Variants in STARD13 observed in about 807,000 individuals in gnomAD.
STARD13 encodes the protein stAR-related lipid transfer protein 13.
A neutral mutation model predicts 106.4 loss-of-function variants in STARD13; 62 were observed. That is an observed-to-expected ratio of 0.58 (90% CI 0.48 to 0.72). The LOEUF (loss-of-function observed/expected upper bound fraction) is 0.72, where lower values mean the gene tolerates loss of function less well. STARD13 is among the 30% of genes least tolerant of loss of function. The pLI is 0.00. For missense variants in STARD13, 1,387 were observed against 1,424.0 expected (o/e 0.97, Z 0.42); for synonymous variants, 565 against 553.0 (o/e 1.02, Z -0.31).
intron 9 of STARD13, 36 bp from the exon 10 acceptor site, chr13:33,111,928 C>T (rs17518136): frequency 0.12 from 160,083 of 1,339,464 alleles, 10,801 homozygotes; most frequent in Non-Finnish European, 0.14. Flanking sequence ...GCAGATCCCA[C>T]ACCAACGAGC....
chr13:33,454,966 G>A, the STARD13 span, among the ~76,000 whole-genome samples: 1 of 152,206 alleles, frequency 6.6e-6, no homozygotes, highest in Non-Finnish European at 1.5e-5. Context: ...ACTCTGGGAA[G>A]GCAGAGAATA....
intron 1 of STARD13, among the ~76,000 whole-genome samples, chr13:33,220,709 A>ATAAG (rs147253507): frequency 0.023 from 3,568 of 152,258 alleles, 134 homozygotes; most frequent in African/African-American, 0.081. Flanking sequence ...AAATAAATAA[A>ATAAG]TAAAATAAAG....
chr13:33,592,174 G>T, the STARD13 span, among the ~76,000 whole-genome samples: 4 of 152,154 alleles, frequency 2.6e-5, no homozygotes, highest in Admixed American at 2.0e-4. Context: ...ATGGTTTGTT[G>T]CTTTACGTTG....
chr13:33,106,784 C>G lies in STARD13; in HGVS notation c.3198G>C (p.Leu1066=). ...TCAGGTCTATCCTGCAGATGTGAGT[C>G]AGTCTTGACTTGCCAGAGCCACACG... The part of the protein sequence containing the change: ...IEPCGSGKSR[L]THICRIDLKG... Residue 1066 remains leucine (L), a synonymous_variant, in exon 13 of 14, where the codon CTG becomes CTC. Coordinates refer to ENST00000336934, the MANE Select transcript of STARD13 (RefSeq NM_178006.4). 1 of 1,613,478 alleles carries G rather than the reference C, an allele frequency of 6.2e-7. No homozygotes were observed. Among genetic ancestry groups the G allele is most frequent in the Non-Finnish European group, 8.5e-7 (1 of 1,179,606 alleles).
chr13:33,442,349 T>TTAA, the STARD13 span, among the ~76,000 whole-genome samples: 43 of 152,026 alleles, frequency 2.8e-4, no homozygotes, highest in African/African-American at 8.5e-4. Context: ...TACTCATACA[T>TTAA]TAATAATAAT....
chr13:33,282,898 A>C (rs558811288), intron 1 of STARD13, among the ~76,000 whole-genome samples: 1 of 152,184 alleles, frequency 6.6e-6, no homozygotes, highest in South Asian at 2.1e-4. Context: ...GCATGGTGGC[A>C]CACTCCTGTA....
At chr13:33,670,449 AGT>A in the STARD13 span, among the ~76,000 whole-genome samples, 8 of 152,206 alleles carry the variant, frequency 5.3e-5, no homozygotes, top group African/African-American at 1.9e-4. Context: ...AAAATCCTAA[AGT>A]CTTATTTCAC....
chr13:33,385,218 A>AATATAT, the STARD13 span, among the ~76,000 whole-genome samples: 3,300 of 33,196 alleles, frequency 0.099, 444 homozygotes, highest in Non-Finnish European at 0.13. Flanking sequence ...AAAGGTTCGG[A>AATATAT]ATATATATAT....
chr13:33,323,944 C>T (rs1893651357), intron 1 of STARD13, among the ~76,000 whole-genome samples: 1 of 152,124 alleles, frequency 6.6e-6, no homozygotes, highest in African/African-American at 2.4e-5. Flanking sequence ...TTTCATAAGG[C>T]TATTTCCACA....
chr13:33,196,549 C>A (rs984463521), intron 1 of STARD13, among the ~76,000 whole-genome samples: 1 of 152,134 alleles, frequency 6.6e-6, no homozygotes, highest in Non-Finnish European at 1.5e-5. Flanking sequence ...AGAGGATTGA[C>A]CCCAGCAATC....
the STARD13 span, among the ~76,000 whole-genome samples, chr13:33,505,018 G>A: frequency 6.6e-6 from 1 of 152,170 alleles, no homozygotes; most frequent in African/African-American, 2.4e-5. Flanking sequence ...CAGCTTGGGT[G>A]TTCAGTGAGA....
chr13:33,113,464 CG>C (rs1306482002), intron 8 of STARD13: 5 of 480,334 alleles, frequency 1.0e-5, no homozygotes, highest in Non-Finnish European at 2.1e-5. Flanking sequence ...CACAATTCAC[CG>C]GGAGTGGTGT....
At chr13:33,177,821 GAAGGAAGGAAGGAAGGAAGGA>G (rs1246262306) in intron 1 of STARD13, among the ~76,000 whole-genome samples, 2 of 26,906 alleles carry the variant, frequency 7.4e-5, no homozygotes, top group African/African-American at 3.9e-4. Flanking sequence ...AGGAAGGAAG[GAAGGAAGGAAGGAAGGAAGGA>G]AAGGAAGGAA....
the STARD13 span, among the ~76,000 whole-genome samples, chr13:33,508,727 A>G: frequency 6.6e-6 from 1 of 152,322 alleles, no homozygotes; most frequent in East Asian, 1.9e-4. Flanking sequence ...CTTAATGTGT[A>G]TCAGAACTCA....
At chr13:33,499,583 TTCTTCTTCTTCTTCTTCTTCTTTCTTC>T in the STARD13 span, among the ~76,000 whole-genome samples, 4 of 69,274 alleles carry the variant, frequency 5.8e-5, no homozygotes, top group African/African-American at 2.1e-4. Flanking sequence ...CTTCTTCTTC[TTCTTCTTCTTCTTCTTCTTCTTTCTTC>T]TTCTTCTTCT....
downstream of STARD13, among the ~76,000 whole-genome samples, chr13:33,344,627 A>G (rs1036932897): frequency 2.0e-5 from 3 of 152,274 alleles, no homozygotes; most frequent in Admixed American, 6.5e-5. Flanking sequence ...CTGTTTTAAC[A>G]TGACAAGAAC....
chr13:33,415,165 G>A, the STARD13 span, among the ~76,000 whole-genome samples: 1 of 152,112 alleles, frequency 6.6e-6, no homozygotes, highest in African/African-American at 2.4e-5. Context: ...TCAGGAGATC[G>A]AGACCATCCT....
At chr13:33,141,706 T>C (rs1879852778) in intron 4 of STARD13, among the ~76,000 whole-genome samples, 1 of 151,970 alleles carries the variant, frequency 6.6e-6, no homozygotes, top group Non-Finnish European at 1.5e-5. Context: ...AATAAAACAC[T>C]ACTGGAAAAA....
chr13:33,160,894 A>C (rs950196643), intron 3 of STARD13, among the ~76,000 whole-genome samples: 1 of 152,220 alleles, frequency 6.6e-6, no homozygotes, highest in Non-Finnish European at 1.5e-5. Context: ...TATCATATAG[A>C]GCCCACGATC....
Sources: gnomAD v4.1 joint callset for allele counts (sites outside exome capture counted in the v4.1 genomes callset) on GRCh38, gnomAD v4.1.1 for gene constraint, MANE v1.5 for transcripts, NCBI Gene and HGNC (gene_info 2026-07-23, HGNC 2026-07-21) for gene names.